TUBB8: variants seen among roughly 807,000 people sequenced by gnomAD.
The protein encoded by TUBB8 is tubulin beta 8 class VIII.
Under a neutral mutation model 33.7 loss-of-function variants are expected in TUBB8, and 25 were observed. That is an observed-to-expected ratio of 0.74 (90% CI 0.54 to 1.04). TUBB8 has a LOEUF of 1.04. Among genes scored for constraint, TUBB8 ranks in the 50% least tolerant of loss-of-function variants. The pLI is 0.00. For synonymous variants in TUBB8, 245 were observed against 240.1 expected (o/e 1.02, Z -0.19); for missense variants, 279 against 608.0 (o/e 0.46, Z 5.69).
chr10:69,389 G>A (rs549051546), intron 1 of TUBB8, among the ~76,000 whole-genome samples: 1 of 152,276 alleles, frequency 6.6e-6, no homozygotes, highest in East Asian at 1.9e-4. Flanking sequence ...ACACTGTCCA[G>A]CAAAATCCCT....
At chr10:61,855 AT>A (rs1834606486) in intron 1 of TUBB8, among the ~76,000 whole-genome samples, 1 of 142,294 alleles carries the variant, frequency 7.0e-6, no homozygotes, top group African/African-American at 2.7e-5. Flanking sequence ...GACCTTCTTC[AT>A]ATCTTCCTAC....
At chr10:52,752 A>C (rs1166664511), upstream of TUBB8, among the ~76,000 whole-genome samples, 4 of 152,256 alleles carry the variant, frequency 2.6e-5, no homozygotes, top group African/African-American at 9.6e-5. Context: ...CTGCAATTGT[A>C]ATCTGTGGCC....
At chr10:71,632 T>TG (rs1303759618) in intron 1 of TUBB8, among the ~76,000 whole-genome samples, 1 of 135,412 alleles carries the variant, frequency 7.4e-6, no homozygotes, top group Admixed American at 7.4e-5. Flanking sequence ...AAAAAAAAAG[T>TG]GGGGAGACCT....
rs1834385333 is a variant in TUBB8 at position 48,021 on chromosome 10, G to C, written c.371C>G (p.Ala124Gly). The change falls in exon 4 of 4, where the codon GCT becomes GGT. Residue 124 changes from alanine to glycine, a missense_variant. By Grantham distance (60) the Ala-to-Gly change is moderately conservative. This residue lies in a region of TUBB8 where 96 missense variants were observed against 233.7 expected (regional missense o/e 0.41). Transcript: ENST00000568584. ...ACCCTGCAGGCAGTCACAGCTCTCA[G>C]CCTCCTTTCTGACAACGTCCATCAC... ...ESVMDVVRKE[A>G]ESCDCLQGFQ... 6.2e-7 allele frequency: 1 copy of C among 1,613,812 alleles called. No homozygotes were observed.
At chr10:60,752 T>C (rs1554740737) in intron 1 of TUBB8, among the ~76,000 whole-genome samples, 1 of 152,186 alleles carries the variant, frequency 6.6e-6, no homozygotes, top group Non-Finnish European at 1.5e-5. Context: ...CTGTAAATCA[T>C]GCTGCTGTAA....
At chr10:67,853 T>C (rs1834690852) in intron 1 of TUBB8, among the ~76,000 whole-genome samples, 1 of 152,232 alleles carries the variant, frequency 6.6e-6, no homozygotes, top group Non-Finnish European at 1.5e-5. Flanking sequence ...CTCTTCAGCA[T>C]GAATCTCCTG....
chr10:70,817 T>C (rs1401633444), intron 1 of TUBB8, among the ~76,000 whole-genome samples: 3 of 151,962 alleles, frequency 2.0e-5, no homozygotes, highest in Admixed American at 6.6e-5. Context: ...CACTCCAGCA[T>C]GGGAGACAGA....
intron 1 of TUBB8, among the ~76,000 whole-genome samples, chr10:70,028 A>C (rs1237672583): frequency 3.9e-5 from 6 of 152,162 alleles, no homozygotes; most frequent in Non-Finnish European, 8.8e-5. Flanking sequence ...CCTAAATAAA[A>C]GCTTTGTCTG....
chr10:57,229 T>A (rs1451930808), intron 1 of TUBB8, among the ~76,000 whole-genome samples: 8 of 152,244 alleles, frequency 5.3e-5, no homozygotes, highest in Non-Finnish European at 1.0e-4. Context: ...TGTGTGCCTC[T>A]GGCTGGTTTT....
chr10:60,039 G>A (rs1298496931), intron 1 of TUBB8, among the ~76,000 whole-genome samples: 1 of 151,962 alleles, frequency 6.6e-6, no homozygotes, highest in Non-Finnish European at 1.5e-5. Context: ...CTAAATATTT[G>A]TCAATTGTTT....
At chr10:76,155 A>C (rs1834811198), upstream of TUBB8, among the ~76,000 whole-genome samples, 4 of 150,948 alleles carry the variant, frequency 2.6e-5, 1 homozygote, top group Middle Eastern at 6.8e-3. Context: ...AAAAAAAAAA[A>C]AAAAACACGA....
At chr10:60,501 G>T (rs1383057699) in intron 1 of TUBB8, among the ~76,000 whole-genome samples, 1 of 152,178 alleles carries the variant, frequency 6.6e-6, no homozygotes, top group East Asian at 1.9e-4. Flanking sequence ...GGCCATCAGA[G>T]AAATGCAAAT....
chr10:52,334 T>C (rs1217882380), upstream of TUBB8, among the ~76,000 whole-genome samples: 2 of 152,220 alleles, frequency 1.3e-5, no homozygotes, highest in Admixed American at 6.5e-5. Context: ...TGTCCCTTCA[T>C]GGTGTTGCTG....
intron 3 of TUBB8, 112 bp downstream of exon 3, chr10:48,503 G>A (rs1554738737): frequency 2.0e-6 from 2 of 1,013,306 alleles, no homozygotes; most frequent in Non-Finnish European, 3.1e-6. Flanking sequence ...GAGGATAGGA[G>A]GGTGTTCAGG....
At chr10:51,442 TAGA>T (rs1188697845), upstream of TUBB8, among the ~76,000 whole-genome samples, 1 of 152,220 alleles carries the variant, frequency 6.6e-6, no homozygotes, top group African/African-American at 2.4e-5. Context: ...TGCTGCCATG[TAGA>T]AGATGTAACT....
upstream of TUBB8, among the ~76,000 whole-genome samples, chr10:76,283 G>T (rs1326790873): frequency 6.6e-6 from 1 of 151,928 alleles, no homozygotes; most frequent in Non-Finnish European, 1.5e-5. Context: ...CGGGGACCAG[G>T]GTCTCTCCCC....
rs1834346638 is a variant in TUBB8, at chr10:47,117, A to G, written c.1275T>C (p.Tyr425=). The G allele has an allele frequency of 6.6e-7, 1 of 1,508,570 alleles. No individual in the cohort carries two copies. Among genetic ancestry groups the G allele is most frequent in the Admixed American group, 1.7e-5 (1 of 59,000 alleles). 93.4% of individuals were successfully genotyped at this position (1,508,570 alleles called of 1,614,324 possible). Residue 425 remains tyrosine (Y), a synonymous_variant, in exon 4 of 4, where the codon TAT becomes TAC. Coordinates refer to ENST00000568584, the MANE Select transcript of TUBB8 (RefSeq NM_177987.3). ...MNDLVSEYQQ[Y]QDATAEEEED... ...CCTCCTCCTCGGCCGTGGCATCCTGATATTGCTGATATTCAGACACCAGGT... is the reference window on the plus strand; with the variant it reads ...CCTCCTCCTCGGCCGTGGCATCCTGGTATTGCTGATATTCAGACACCAGGT...
chr10:47,080 A>C lies in TUBB8; in HGVS notation c.1312T>G (p.Tyr438Asp). The change falls in exon 4 of 4, where the codon TAT becomes GAT. Residue 438 changes from tyrosine (Y) to aspartate (D), a missense_variant. Tyr to Asp is a radical substitution (Grantham distance 160). Around this residue, in one of 4 missense-constraint regions of TUBB8, gnomAD observed 123 missense variants for 228.9 expected, o/e 0.54. Coordinates refer to ENST00000568584, the MANE Select transcript of TUBB8 (RefSeq NM_177987.3). ...TTCTAGGCCACCTCCTCCTCGGCAT[A>C]CTCCTCATCCTCCTCCTCCTCGGCC... ...ATAEEEEDEE[Y>D]AEEEVA 3.1e-6 allele frequency: 4 copies of C among 1,294,960 alleles called. No homozygotes were observed. The highest frequency in any genetic ancestry group is 2.3e-5 in the East Asian group (1 of 42,862). 80.2% of individuals were successfully genotyped at this position (1,294,960 alleles called of 1,614,324 possible). A position where few individuals can be genotyped will look rare whatever the true frequency, so the allele number is the denominator to read the frequency against.
chr10:72,851 CAA>C (rs1321880357), intron 1 of TUBB8, among the ~76,000 whole-genome samples: 1 of 115,534 alleles, frequency 8.7e-6, no homozygotes, highest in African/African-American at 3.4e-5. Context: ...CACTCCATCT[CAA>C]AAAAAAAAAA....
Sources: gnomAD v4.1 joint callset for allele counts (sites outside exome capture counted in the v4.1 genomes callset) on GRCh38, gnomAD v4.1.1 for gene constraint, gnomAD v4.1.1 regional missense constraint, MANE v1.5 for transcripts, NCBI Gene and HGNC (gene_info 2026-07-23, HGNC 2026-07-21) for gene names.